FOXP1: variants seen among roughly 807,000 people sequenced by gnomAD.
FOXP1 encodes forkhead box protein P1.
Under a neutral mutation model 98.2 loss-of-function variants are expected in FOXP1, and 15 were observed. The ratio of observed to expected loss-of-function variants is 0.15; its 90% confidence interval spans 0.10 to 0.24. The LOEUF (loss-of-function observed/expected upper bound fraction) is 0.24, where lower values mean the gene tolerates loss of function less well. Ranked by LOEUF, FOXP1 falls within the 10% of genes least tolerant of loss-of-function variation. FOXP1 has a pLI of 1.00. For synonymous variants in FOXP1, 371 were observed against 314.5 expected, an observed-to-expected ratio of 1.18 and a Z score of -1.90; for missense variants, 633 against 848.5, an observed-to-expected ratio of 0.75 and a Z score of 3.15.
At chr3:70,959,455 GA>G (rs751918646) in intron 20 of FOXP1, 64 bp from the exon 21 acceptor site, 2 of 1,598,854 alleles carry the variant, frequency 1.3e-6, no homozygotes, top group East Asian at 2.2e-5. Context: ...CAGGTGCACT[GA>G]AAAGTTTGGG....
At chr3:71,086,208 G>A (rs2055081172) in intron 7 of FOXP1, among the ~76,000 whole-genome samples, 1 of 152,126 alleles carries the variant, frequency 6.6e-6, no homozygotes, top group Non-Finnish European at 1.5e-5. Flanking sequence ...TGTATTCTTT[G>A]TAGCTGCAAA....
chr3:70,979,174 T>A (rs1472822596), intron 14 of FOXP1, among the ~76,000 whole-genome samples: 1 of 149,606 alleles, frequency 6.7e-6, no homozygotes, highest in Non-Finnish European at 1.5e-5. Flanking sequence ...CCCAGCTACC[T>A]AGGAGGCTGA....
intron 3 of FOXP1, among the ~76,000 whole-genome samples, chr3:71,445,984 G>A (rs961797169): frequency 9.2e-5 from 14 of 152,142 alleles, no homozygotes; most frequent in South Asian, 6.2e-4. Flanking sequence ...CACCGTGCCC[G>A]GCCTATGTGT....
At chr3:71,401,063 C>A (rs2081930172) in intron 3 of FOXP1, among the ~76,000 whole-genome samples, 1 of 152,108 alleles carries the variant, frequency 6.6e-6, no homozygotes, top group South Asian at 2.1e-4. Flanking sequence ...CCTCCACCCC[C>A]ACTCAAAAAA....
intron 17 of FOXP1, among the ~76,000 whole-genome samples, chr3:70,973,348 A>G (rs2036751195): frequency 6.6e-6 from 1 of 151,714 alleles, no homozygotes; most frequent in South Asian, 2.1e-4. Context: ...TAACTGAGTA[A>G]ATGCCAAAGG....
At chr3:70,972,428 C>T in intron 18 of FOXP1, 127 bp downstream of exon 18, 13 of 1,376,666 alleles carry the variant, frequency 9.4e-6, no homozygotes, top group Admixed American at 5.2e-5. Context: ...TGCTTTTTTG[C>T]TTCCCTTAAC....
intron 3 of FOXP1, among the ~76,000 whole-genome samples, chr3:71,398,453 T>G (rs1017051197): frequency 3.3e-5 from 5 of 152,216 alleles, no homozygotes; most frequent in African/African-American, 1.2e-4. Context: ...TAGCTTCCTT[T>G]AAACACCTAC....
At chr3:71,524,533 A>G (rs2043224604) in intron 2 of FOXP1, among the ~76,000 whole-genome samples, 1 of 117,060 alleles carries the variant, frequency 8.5e-6, no homozygotes, top group Non-Finnish European at 1.8e-5. Flanking sequence ...AAATGCAAAT[A>G]AATCTTAAAA....
intron 2 of FOXP1, among the ~76,000 whole-genome samples, chr3:71,554,956 T>C (rs2046024057): frequency 6.6e-6 from 1 of 152,194 alleles, no homozygotes; most frequent in African/African-American, 2.4e-5. Context: ...TAGAAGTTAA[T>C]GTTTATGGTC....
In FOXP1 at chr3:71,349,955, C is replaced by T. The variant is rs544649005; in HGVS notation, c.-73+9195G>A. ...AATGTATGAATAAACAAATAATATC[C>T]GATCCTTTCAAAATTATTAGGAAAG... On this transcript the variant is annotated intron_variant, in intron 4 of 20. Transcript: ENST00000649528. Among the ~76,000 whole-genome samples the T allele has an allele frequency of 2.5e-4, 38 of 152,198 alleles. No homozygotes were observed. The South Asian group carries it at 6.6e-3, about 27-fold the overall frequency.
intron 5 of FOXP1, among the ~76,000 whole-genome samples, chr3:71,278,791 C>T (rs1020786231): frequency 1.7e-4 from 26 of 151,546 alleles, no homozygotes; most frequent in African/African-American, 5.6e-4. Flanking sequence ...CGAAAACAAA[C>T]AAACAAACAA....
intron 4 of FOXP1, among the ~76,000 whole-genome samples, chr3:71,353,891 T>A (rs2077966281): frequency 6.6e-6 from 1 of 152,182 alleles, no homozygotes; most frequent in Non-Finnish European, 1.5e-5. Flanking sequence ...GAAATTGGTG[T>A]TAATAATGAA....
chr3:71,349,270 G>T (rs1483769591), intron 4 of FOXP1, among the ~76,000 whole-genome samples: 1 of 152,124 alleles, frequency 6.6e-6, no homozygotes, highest in Non-Finnish European at 1.5e-5. Context: ...CTTAGCAGGA[G>T]GAAATAATTT....
chr3:71,070,500 C>T (rs906362728), intron 7 of FOXP1, among the ~76,000 whole-genome samples: 1 of 152,132 alleles, frequency 6.6e-6, no homozygotes, highest in Admixed American at 6.5e-5. Flanking sequence ...TCTGGCATTC[C>T]TAAGATCCAA....
chr3:71,023,706 T>C (rs1298569369), intron 11 of FOXP1, among the ~76,000 whole-genome samples: 1 of 152,218 alleles, frequency 6.6e-6, no homozygotes, highest in Non-Finnish European at 1.5e-5. Context: ...GGTTTGAAGA[T>C]GGGAATACGA....
At chr3:71,200,348 T>C (rs1233902460) in intron 5 of FOXP1, among the ~76,000 whole-genome samples, 1 of 152,196 alleles carries the variant, frequency 6.6e-6, no homozygotes, top group Non-Finnish European at 1.5e-5. Context: ...CTGCTGATGA[T>C]TGTTACCCCC....
At chr3:71,520,010 G>A (rs2042862695) in intron 2 of FOXP1, among the ~76,000 whole-genome samples, 1 of 152,156 alleles carries the variant, frequency 6.6e-6, no homozygotes, top group East Asian at 1.9e-4. Flanking sequence ...GACAATCTTT[G>A]GATTAAGAAA....
chr3:71,324,509 C>T (rs1010114421), intron 4 of FOXP1, among the ~76,000 whole-genome samples: 20 of 152,072 alleles, frequency 1.3e-4, no homozygotes, highest in African/African-American at 3.6e-4. Flanking sequence ...AACAAATTAT[C>T]GCAAGGACAG....
chr3:71,159,163 G>A (rs1213883396), intron 6 of FOXP1, among the ~76,000 whole-genome samples: 2 of 143,918 alleles, frequency 1.4e-5, no homozygotes, highest in Admixed American at 1.4e-4. Context: ...GAAAAACAAC[G>A]CATGAAAATC....
Sources: allele counts gnomAD v4.1 joint callset (sites outside exome capture counted in the v4.1 genomes callset), GRCh38; gene constraint gnomAD v4.1.1; transcripts MANE v1.5; gene names NCBI Gene and HGNC (gene_info 2026-07-23, HGNC 2026-07-21).